Variants in MPDZ observed in about 807,000 individuals in gnomAD.
The protein encoded by MPDZ is multiple PDZ domain crumbs cell polarity complex component.
In MPDZ, 234 loss-of-function variants were observed where a neutral mutation model predicts 239.1. The ratio of observed to expected loss-of-function variants is 0.98; its 90% confidence interval spans 0.88 to 1.09. The LOEUF (loss-of-function observed/expected upper bound fraction) is 1.09. MPDZ is among the 50% of genes least tolerant of loss of function. The pLI is 0.00. For synonymous variants in MPDZ, 1,048 were observed against 881.3 expected (o/e 1.19, Z -3.35); for missense variants, 3,175 against 2,510.0 (o/e 1.26, Z -5.66).
At chr9:13,203,589 CAAT>C (rs1050333339) in intron 12 of MPDZ, among the ~76,000 whole-genome samples, 7 of 152,044 alleles carry the variant, frequency 4.6e-5, no homozygotes, top group Admixed American at 1.3e-4. Context: ...GTGGAAGAGG[CAAT>C]AATATCTTAC....
chr9:13,254,484 A>G (rs1009511349), intron 1 of MPDZ, among the ~76,000 whole-genome samples: 6 of 152,192 alleles, frequency 3.9e-5, no homozygotes, highest in Non-Finnish European at 7.4e-5. Flanking sequence ...TAATTGTTCA[A>G]TTTTATTATT....
Position 13,236,197 on chromosome 9 carries a change from ATGTGTGTG to A in MPDZ, c.183+11430_183+11437del, listed in dbSNP as rs377695828. Among the ~76,000 whole-genome samples the A allele has an allele frequency of 7.1e-3, 545 of 76,962 alleles. 9 individuals are homozygous for A. Among genetic ancestry groups the A allele is most frequent in the African/African-American group, 0.022 (463 of 20,660 alleles). 50.5% of individuals were successfully genotyped at this position (76,962 alleles called of 152,430 possible). A position where few individuals can be genotyped will look rare whatever the true frequency, so the allele number is the denominator to read the frequency against. On this transcript the variant is annotated intron_variant, in intron 3 of 46. Coordinates refer to ENST00000319217, the MANE Select transcript of MPDZ (RefSeq NM_001378778.1). ...TTTGTGTGTGTGTGTTTCTGTATAT[ATGTGTGTG>A]TGTGTGTGTGTGTGTGTGTGTATAT...
Position 13,112,039 on chromosome 9 carries a change from C to G in MPDZ, c.5709G>C (p.Gln1903His). Residue 1903 changes from glutamine (Q) to histidine (H), a missense_variant, in exon 43 of 47, where the codon CAG (glutamine) becomes CAC (histidine). Gln to His is a conservative substitution (Grantham distance 24). Coordinates refer to ENST00000319217, the MANE Select transcript of MPDZ (RefSeq NM_001378778.1). ...AMMHPTGVAA[Q>H]TQKLRVGDRI... ...TACGACTCACTCTGAGTTTTTGGGTCTGTGCTGCAACTCCAGTTGGGTGCA... is the reference window on the plus strand; with the variant it reads ...TACGACTCACTCTGAGTTTTTGGGTGTGTGCTGCAACTCCAGTTGGGTGCA... The G allele has an allele frequency of 6.2e-7, 1 of 1,613,432 alleles. No homozygotes were observed. Among genetic ancestry groups the G allele is most frequent in the Non-Finnish European group, 8.5e-7 (1 of 1,179,544 alleles).
intron 3 of MPDZ, among the ~76,000 whole-genome samples, chr9:13,234,278 T>C (rs904530430): frequency 6.6e-6 from 1 of 152,074 alleles, no homozygotes. Flanking sequence ...CAAATACATA[T>C]ATTCATTTAA....
intron 10 of MPDZ, among the ~76,000 whole-genome samples, chr9:13,213,549 G>A (rs937407685): frequency 6.6e-6 from 1 of 152,020 alleles, no homozygotes; most frequent in African/African-American, 2.4e-5. Context: ...ACAAGATGGT[G>A]ATATTTAGTA....
chr9:13,156,693 A>C (rs1481642149), intron 24 of MPDZ, among the ~76,000 whole-genome samples: 2 of 152,138 alleles, frequency 1.3e-5, no homozygotes, highest in Non-Finnish European at 2.9e-5. Flanking sequence ...TCTAAAATCT[A>C]CTTTTCCTCT....
intron 1 of MPDZ, among the ~76,000 whole-genome samples, chr9:13,264,264 T>C (rs1340329550): frequency 6.6e-6 from 1 of 152,236 alleles, no homozygotes; most frequent in Admixed American, 6.5e-5. Context: ...AGTATATACA[T>C]TCTTACTTTA....
intron 3 of MPDZ, among the ~76,000 whole-genome samples, chr9:13,239,655 G>A (rs1020762650): frequency 2.6e-5 from 4 of 152,090 alleles, no homozygotes; most frequent in African/African-American, 9.7e-5. Context: ...GAATATTTAA[G>A]AATACTCATG....
intron 1 of MPDZ, among the ~76,000 whole-genome samples, chr9:13,271,565 C>T (rs1220932400): frequency 6.6e-6 from 1 of 152,174 alleles, no homozygotes; most frequent in East Asian, 1.9e-4. Flanking sequence ...CTATCCTCTT[C>T]TTTGGGTCTC....
At chr9:13,258,205 G>A (rs1257824665) in intron 1 of MPDZ, among the ~76,000 whole-genome samples, 2 of 152,192 alleles carry the variant, frequency 1.3e-5, no homozygotes, top group African/African-American at 2.4e-5. Flanking sequence ...CAGCTTTTAC[G>A]AAGTAGAGAA....
At chr9:13,257,216 T>G (rs1487687872) in intron 1 of MPDZ, among the ~76,000 whole-genome samples, 1 of 152,170 alleles carries the variant, frequency 6.6e-6, no homozygotes, top group Non-Finnish European at 1.5e-5. Flanking sequence ...CAATATCTGT[T>G]AGGCACCAGA....
At chr9:13,221,314 A>C (rs892172948) in intron 7 of MPDZ, 58 bp downstream of exon 7, 3 of 1,449,526 alleles carry the variant, frequency 2.1e-6, no homozygotes, top group Non-Finnish European at 2.7e-6. Flanking sequence ...AAAAAATGTA[A>C]AAGATGTACC....
intron 12 of MPDZ, among the ~76,000 whole-genome samples, chr9:13,196,615 G>A: frequency 6.6e-6 from 1 of 151,472 alleles, no homozygotes; most frequent in East Asian, 1.9e-4. Context: ...TTCATCAGGG[G>A]AAAAAAGGAC....
At chr9:13,209,143 G>T (rs1454810641) in intron 10 of MPDZ, among the ~76,000 whole-genome samples, 1 of 152,122 alleles carries the variant, frequency 6.6e-6, no homozygotes, top group Admixed American at 6.6e-5. Flanking sequence ...CATTAAGTGA[G>T]GCAATCAGAT....
chr9:13,278,595 T>C (rs1488710688), intron 1 of MPDZ, among the ~76,000 whole-genome samples: 2 of 152,126 alleles, frequency 1.3e-5, no homozygotes, highest in African/African-American at 4.8e-5. Context: ...ATCGCTTCCC[T>C]GGTAACATCC....
intron 1 of MPDZ, among the ~76,000 whole-genome samples, chr9:13,253,998 T>G (rs10738330): frequency 6.6e-6 from 1 of 152,348 alleles, no homozygotes; most frequent in East Asian, 1.9e-4. Flanking sequence ...TGGAGCCAGG[T>G]TCTTAACACA....
chr9:13,193,975 C>A (rs1955295488), intron 13 of MPDZ, among the ~76,000 whole-genome samples: 1 of 151,998 alleles, frequency 6.6e-6, no homozygotes, highest in Non-Finnish European at 1.5e-5. Flanking sequence ...TGATAACGTG[C>A]AGAAGTCAGT....
intron 15 of MPDZ, among the ~76,000 whole-genome samples, chr9:13,191,407 C>T (rs187401597): frequency 1.1e-3 from 166 of 152,202 alleles, no homozygotes; most frequent in Non-Finnish European, 9.4e-4. Context: ...AGTCCTAATC[C>T]TAACTTTAGC....
At chr9:13,230,289 A>G (rs923246911) in intron 3 of MPDZ, among the ~76,000 whole-genome samples, 1 of 152,122 alleles carries the variant, frequency 6.6e-6, no homozygotes, top group East Asian at 1.9e-4. Flanking sequence ...CAATCTAGCA[A>G]TTGCACTCCT....
Sources: allele counts gnomAD v4.1 joint callset (sites outside exome capture counted in the v4.1 genomes callset), GRCh38; gene constraint gnomAD v4.1.1; transcripts MANE v1.5; gene names NCBI Gene and HGNC (gene_info 2026-07-23, HGNC 2026-07-21).